NCOR1: variants seen among roughly 807,000 people sequenced by gnomAD.
NCOR1 encodes protein phosphatase 1, regulatory subunit 109.
A neutral mutation model predicts 288.1 loss-of-function variants in NCOR1; 63 were observed. That is an observed-to-expected ratio of 0.22 (90% CI 0.18 to 0.27). The LOEUF is 0.27. Among genes scored for constraint, NCOR1 ranks in the 10% least tolerant of loss-of-function variants. The pLI is 1.00. For missense variants in NCOR1, 2,397 were observed against 3,019.2 expected, an observed-to-expected ratio of 0.79 and a Z score of 4.83; for synonymous variants, 1,007 against 1,065.9, an observed-to-expected ratio of 0.94 and a Z score of 1.08.
chr17:16,041,362 A>C (rs1184166575), intron 42 of NCOR1: 1 of 151,342 alleles, frequency 6.6e-6, no homozygotes, highest in Non-Finnish European at 1.5e-5. Flanking sequence ...TGCAGAAAGC[A>C]AGTGGGCAGC....
At position 16,061,442 on chromosome 17, in the gene NCOR1, G is replaced by A. The variant is rs1452521115; in HGVS notation, c.5840C>T (p.Ala1947Val). 23 of 1,614,024 alleles carry A rather than the reference G, an allele frequency of 1.4e-5. No individual in the cohort carries two copies. In the East Asian group the frequency reaches 4.9e-4, roughly 34 times the overall value. The change falls in exon 37 of 46, where the codon GCG (alanine) becomes GTG (valine). Residue 1947 changes from alanine to valine, a missense_variant. This residue lies in a region of NCOR1 where 1,872 missense variants were observed against 2,187.8 expected (regional missense o/e 0.86). Transcript: ENST00000268712. ...TGAACTTTGAGAGCCACGTTCCCTC[G>A]CATCCTTGTCCGAGGCAATTTGCCG... ...ITRQIASDKDARERGSQSSDS... is the reference protein window; with the variant it reads ...ITRQIASDKDVRERGSQSSDS...
At chr17:16,147,179 G>A (rs1441681185) in intron 9 of NCOR1, among the ~76,000 whole-genome samples, 1 of 152,216 alleles carries the variant, frequency 6.6e-6, no homozygotes, top group African/African-American at 2.4e-5. Flanking sequence ...GGGAGGCCAA[G>A]GCAGGTGGAT....
intron 43 of NCOR1, 95 bp downstream of exon 43, chr17:16,040,346 T>C (rs2057332838): frequency 9.9e-7 from 1 of 1,008,074 alleles, no homozygotes; most frequent in African/African-American, 1.6e-5. Context: ...GAGCAGTCAC[T>C]CCCCTGGTAT....
intron 9 of NCOR1, among the ~76,000 whole-genome samples, chr17:16,147,582 G>C (rs1259760508): frequency 1.3e-5 from 2 of 152,128 alleles, no homozygotes; most frequent in Non-Finnish European, 2.9e-5. Context: ...AAGTGAGGAA[G>C]GGTTCATGAA....
intron 42 of NCOR1, among the ~76,000 whole-genome samples, chr17:16,045,862 A>G (rs181040268): frequency 6.6e-6 from 1 of 152,142 alleles, no homozygotes; most frequent in East Asian, 1.9e-4. Flanking sequence ...CTTAGGCTGC[A>G]GTGCAGTGAT....
rs1224711251 is a variant in NCOR1 at position 16,047,107 on chromosome 17, A to C, written c.6537-14T>G. The stretch of plus-strand genomic sequence containing the variant: ...CGGGCATCATTCCTGTTAGGGCCAA[A>C]GTTAAGTATATTACAACCACGTACT... On this transcript the variant is annotated splice_polypyrimidine_tract_variant and intron_variant, in intron 41 of 45. Coordinates refer to ENST00000268712, the MANE Select transcript of NCOR1 (RefSeq NM_006311.4). 6.2e-7 allele frequency: 1 copy of C among 1,606,856 alleles called. No homozygotes were observed. The highest frequency in any genetic ancestry group is 8.5e-7 in the Non-Finnish European group (1 of 1,176,648).
At chr17:16,158,050 T>A (rs558905238) in intron 6 of NCOR1, among the ~76,000 whole-genome samples, 25 of 152,184 alleles carry the variant, frequency 1.6e-4, no homozygotes, top group Non-Finnish European at 1.2e-4. Context: ...CTCGGCTCAC[T>A]ACAACCTCTA....
In NCOR1 at chr17:16,095,944, T is replaced by A. The variant is rs1029577052; in HGVS notation, c.2820+2423A>T. ...ATGGTTGCTGTGTCTGTGTAGAAAG[T>A]AGTAGACATGGGAGACTTTTCATTT... On this transcript the variant is annotated intron_variant, in intron 21 of 45. Coordinates refer to ENST00000268712, the MANE Select transcript of NCOR1 (RefSeq NM_006311.4). Among the ~76,000 whole-genome samples the A allele has an allele frequency of 4.6e-5, 7 of 152,104 alleles. No homozygotes were observed. In the South Asian group the frequency reaches 8.3e-4, roughly 18 times the overall value.
chr17:16,127,427 A>G (rs1479276907), intron 14 of NCOR1, among the ~76,000 whole-genome samples: 2 of 140,334 alleles, frequency 1.4e-5, no homozygotes, highest in African/African-American at 5.3e-5. Context: ...ATACATGTGT[A>G]TATGTGTATG....
rs2152999802 is a variant in NCOR1 at position 16,101,720 on chromosome 17, A to G, written c.2220T>C (p.Asn740=). 1 of 1,614,180 alleles carries G rather than the reference A, an allele frequency of 6.2e-7. No homozygotes were observed. Among genetic ancestry groups the G allele is most frequent in the East Asian group, 2.2e-5 (1 of 44,892 alleles). ...GTTCTGTGTTTCCTCGAGAAGTAGCATTTTCAGGACTGTCCTCGCTGGGCT... is the reference window on the plus strand; with the variant it reads ...GTTCTGTGTTTCCTCGAGAAGTAGCGTTTTCAGGACTGTCCTCGCTGGGCT... ...AVKPSEDSPE[N]ATSRGNTEPA... is the part of the protein sequence containing the mutation. Residue 740 remains asparagine (N), a synonymous_variant, in exon 20 of 46, where the codon AAT becomes AAC. Transcript: ENST00000268712.
chr17:16,181,906 G>C (rs1190595539), intron 3 of NCOR1, among the ~76,000 whole-genome samples: 1 of 150,792 alleles, frequency 6.6e-6, no homozygotes, highest in Non-Finnish European at 1.5e-5. Flanking sequence ...TGTCAATACT[G>C]AAAAAAGAGA....
At chr17:16,073,353 C>A in intron 28 of NCOR1, 76 bp downstream of exon 28, 2 of 1,314,132 alleles carry the variant, frequency 1.5e-6, no homozygotes, top group South Asian at 1.9e-5. Flanking sequence ...AAATTGCATA[C>A]AACTTAATTC....
intron 21 of NCOR1, among the ~76,000 whole-genome samples, chr17:16,092,644 C>CATTT (rs1260211827): frequency 6.6e-4 from 43 of 65,436 alleles, no homozygotes; most frequent in East Asian, 1.0e-3. Context: ...GGATCAGATC[C>CATTT]ATTTATATAT....
intron 6 of NCOR1, among the ~76,000 whole-genome samples, chr17:16,155,312 C>T (rs867983765): frequency 6.8e-5 from 10 of 146,950 alleles, no homozygotes; most frequent in Admixed American, 2.1e-4. Context: ...GATCGTGCCA[C>T]TGCACTCCAG....
At chr17:16,130,167 A>C (rs895181434) in intron 14 of NCOR1, among the ~76,000 whole-genome samples, 4 of 152,244 alleles carry the variant, frequency 2.6e-5, no homozygotes, top group Admixed American at 6.5e-5. Context: ...GCGGAGAGGA[A>C]GTGCAGTCAG....
chr17:16,157,819 G>A (rs2080063413), intron 6 of NCOR1, among the ~76,000 whole-genome samples: 2 of 151,414 alleles, frequency 1.3e-5, no homozygotes, highest in Non-Finnish European at 1.5e-5. Flanking sequence ...TAGTTCCTGG[G>A]CCATATTCTG....
At chr17:16,150,245 C>T (rs1261274949) in intron 8 of NCOR1, among the ~76,000 whole-genome samples, 2 of 151,964 alleles carry the variant, frequency 1.3e-5, no homozygotes, top group Non-Finnish European at 2.9e-5. Context: ...CCACTCAGGA[C>T]TAACAGTGAC....
At chr17:16,168,785 A>C (rs1377130334) in intron 4 of NCOR1, among the ~76,000 whole-genome samples, 1 of 152,044 alleles carries the variant, frequency 6.6e-6, no homozygotes, top group Admixed American at 6.5e-5. Context: ...AGCCTGGCCA[A>C]CATGGTGAAA....
At chr17:16,202,586 T>G (rs2090979056) in intron 1 of NCOR1, among the ~76,000 whole-genome samples, 1 of 152,204 alleles carries the variant, frequency 6.6e-6, no homozygotes, top group Non-Finnish European at 1.5e-5. Context: ...AGTTACCATT[T>G]ACTGAGCTCT....
Sources: allele counts gnomAD v4.1 joint callset (sites outside exome capture counted in the v4.1 genomes callset), GRCh38; gene constraint gnomAD v4.1.1; regional missense constraint gnomAD v4.1.1; transcripts MANE v1.5; gene names NCBI Gene and HGNC (gene_info 2026-07-23, HGNC 2026-07-21).